PLCG2: variants seen among roughly 807,000 people sequenced by gnomAD.
The protein encoded by PLCG2 is 1-phosphatidylinositol 4,5-bisphosphate phosphodiesterase gamma-2.
Under a neutral mutation model 175.6 loss-of-function variants are expected in PLCG2, and 69 were observed. That is an observed-to-expected ratio of 0.39 (90% CI 0.32 to 0.48). The LOEUF is 0.48. Among genes scored for constraint, PLCG2 ranks in the 20% least tolerant of loss-of-function variants. The pLI is 0.91. For missense variants in PLCG2, 1,798 were observed against 1,650.9 expected, an observed-to-expected ratio of 1.09 and a Z score of -1.54; for synonymous variants, 827 against 624.0, an observed-to-expected ratio of 1.33 and a Z score of -4.85.
chr16:81,961,826 A>G lies in PLCG2; in HGVS notation c.*3828A>G, dbSNP rs1296170269. ...TGCCAGCACTTTGCAGCTATTTATA[A>G]TGAGAAATTTTAGATGTCAATATAG... On this transcript the variant is annotated 3_prime_UTR_variant, in exon 33 of 33. Transcript: ENST00000564138. 4.9e-6 allele frequency: 1 copy of G among 202,594 alleles called. No individual in the cohort carries two copies. 12.5% of individuals were successfully genotyped at this position (202,594 alleles called of 1,614,324 possible). A position where few individuals can be genotyped will look rare whatever the true frequency, so the allele number is the denominator to read the frequency against.
chr16:81,772,566 T>C (rs1322222002), intron 2 of PLCG2, among the ~76,000 whole-genome samples: 1 of 151,680 alleles, frequency 6.6e-6, no homozygotes, highest in Non-Finnish European at 1.5e-5. Context: ...TCCCAGCACT[T>C]TGGGAGGCCG....
chr16:81,819,402 C>T (rs1186182430), intron 2 of PLCG2, among the ~76,000 whole-genome samples: 1 of 152,152 alleles, frequency 6.6e-6, no homozygotes, highest in Admixed American at 6.5e-5. Context: ...TGCGAATCCC[C>T]TTGTGCAGCC....
At chr16:81,941,549 G>T (rs1910939573) in intron 30 of PLCG2, among the ~76,000 whole-genome samples, 1 of 147,948 alleles carries the variant, frequency 6.8e-6, no homozygotes. Context: ...TTGGGAAAAT[G>T]TTTAAAGTTT....
intron 3 of PLCG2, 32 bp downstream of exon 3, chr16:81,854,619 C>A (rs1450987012): frequency 6.2e-7 from 1 of 1,604,948 alleles, no homozygotes; most frequent in South Asian, 1.1e-5. Flanking sequence ...TTTCTCCTTC[C>A]CTGTGCCTTA....
At chr16:81,904,903 A>G (rs1261697559) in intron 14 of PLCG2, among the ~76,000 whole-genome samples, 1 of 152,084 alleles carries the variant, frequency 6.6e-6, no homozygotes, top group East Asian at 1.9e-4. Context: ...TTTATTTTTT[A>G]CTGGGACAGA....
intron 9 of PLCG2, among the ~76,000 whole-genome samples, chr16:81,884,420 G>C (rs1908253090): frequency 6.6e-6 from 1 of 151,798 alleles, no homozygotes; most frequent in Non-Finnish European, 1.5e-5. Flanking sequence ...TCAGCACCAA[G>C]TACCTACAGT....
In PLCG2 at chr16:81,928,590, C is replaced by T. The variant is rs1258930338; in HGVS notation, c.2547C>T (p.Cys849=). The T allele has an allele frequency of 1.3e-5, 21 of 1,609,270 alleles. No individual in the cohort carries two copies. The highest frequency in any genetic ancestry group is 1.8e-5 in the Non-Finnish European group (21 of 1,175,548). The change falls in exon 24 of 33, where the codon TGC becomes TGT. Residue 849 remains cysteine, a synonymous_variant. Transcript: ENST00000564138. ...AAGACAATCCCTTAGGGTCTCTTTG[C>T]AGAGGAATATTGGACCTCAATACCT... ...IIEDNPLGSL[C]RGILDLNTYN...
At chr16:81,856,486 C>T (rs755887389) in intron 3 of PLCG2, among the ~76,000 whole-genome samples, 1 of 152,176 alleles carries the variant, frequency 6.6e-6, no homozygotes, top group Non-Finnish European at 1.5e-5. Flanking sequence ...TATTAGCAAG[C>T]CATACTCTCC....
intron 19 of PLCG2, among the ~76,000 whole-genome samples, chr16:81,917,157 G>A (rs996680906): frequency 1.3e-5 from 2 of 151,026 alleles, no homozygotes; most frequent in Admixed American, 6.6e-5. Flanking sequence ...TTGTTTTTCT[G>A]TGCCTGGTTT....
intron 2 of PLCG2, among the ~76,000 whole-genome samples, chr16:81,759,416 T>C (rs964559469): frequency 1.3e-5 from 2 of 152,264 alleles, no homozygotes; most frequent in Non-Finnish European, 2.9e-5. Flanking sequence ...TATTTACTTA[T>C]GTTATTTATT....
intron 18 of PLCG2, among the ~76,000 whole-genome samples, chr16:81,910,966 C>T (rs533894172): frequency 1.6e-4 from 24 of 152,218 alleles, no homozygotes; most frequent in African/African-American, 5.8e-4. Flanking sequence ...CTTCATAGCC[C>T]CGAGACTTTG....
intron 7 of PLCG2, among the ~76,000 whole-genome samples, chr16:81,874,959 T>TTTTTTTTCTTTTTC (rs1907702352): frequency 7.0e-6 from 1 of 143,220 alleles, no homozygotes; most frequent in South Asian, 2.3e-4. Flanking sequence ...TTTTTTTTTT[T>TTTTTTTTCTTTTTC]TTTTTTTTTT....
chr16:81,871,496 G>A (rs755517530), intron 7 of PLCG2, among the ~76,000 whole-genome samples: 3 of 152,028 alleles, frequency 2.0e-5, no homozygotes, highest in Non-Finnish European at 2.9e-5. Context: ...GCGCCACCAC[G>A]CCCAGCTAAT....
chr16:81,874,078 G>A (rs1907651746), intron 7 of PLCG2, among the ~76,000 whole-genome samples: 1 of 152,188 alleles, frequency 6.6e-6, no homozygotes, highest in Non-Finnish European at 1.5e-5. Context: ...TGGCCAGAAT[G>A]CCACATTGAG....
intron 2 of PLCG2, among the ~76,000 whole-genome samples, chr16:81,792,478 C>G (rs1400912219): frequency 4.7e-5 from 1 of 21,114 alleles, no homozygotes; most frequent in Non-Finnish European, 7.9e-5. Context: ...AAGGCTCTGT[C>G]TCAAAAAAAA....
At chr16:81,894,564 G>A (rs1908790418) in intron 12 of PLCG2, among the ~76,000 whole-genome samples, 1 of 152,092 alleles carries the variant, frequency 6.6e-6, no homozygotes, top group South Asian at 2.1e-4. Context: ...GCTCATGGGT[G>A]CATTTGGCTG....
rs1238970509 is a variant in PLCG2, at chr16:81,786,298, T to C, written c.193+116T>C. 4.8e-6 allele frequency: 4 copies of C among 835,824 alleles called. No homozygotes were observed. The African/African-American group carries it at 6.9e-5, about 14-fold the overall frequency. The allele number at this position is 835,824 out of a possible 1,614,324, so 51.8% of individuals were successfully genotyped here. A position where few individuals can be genotyped will look rare whatever the true frequency, so the allele number is the denominator to read the frequency against. ...TTGTTGTTGGTTTGATGTGTTCTTTTATTCGTCTTAAAATGAAAGCATTGC... is the reference window on the plus strand; with the variant it reads ...TTGTTGTTGGTTTGATGTGTTCTTTCATTCGTCTTAAAATGAAAGCATTGC... On this transcript the variant is annotated intron_variant, in intron 2 of 32. Coordinates refer to ENST00000564138, the MANE Select transcript of PLCG2 (RefSeq NM_002661.5).
chr16:81,781,994 C>T (rs191852855), intron 1 of PLCG2, among the ~76,000 whole-genome samples: 67 of 152,182 alleles, frequency 4.4e-4, no homozygotes, highest in African/African-American at 1.5e-3. Context: ...GCCTCAGCCT[C>T]ACGAGTAGCT....
At chr16:81,847,020 T>C (rs1259312986) in intron 2 of PLCG2, among the ~76,000 whole-genome samples, 2 of 152,178 alleles carry the variant, frequency 1.3e-5, no homozygotes, top group Admixed American at 1.3e-4. Flanking sequence ...GAGAGCTCAG[T>C]CCCTCAAGAC....
Sources: allele counts gnomAD v4.1 joint callset (sites outside exome capture counted in the v4.1 genomes callset), GRCh38; gene constraint gnomAD v4.1.1; transcripts MANE v1.5; gene names NCBI Gene and HGNC (gene_info 2026-07-23, HGNC 2026-07-21).